The following CD320 variants were observed in gnomAD, a reference collection of about 807,000 sequenced individuals.
The protein encoded by CD320 is CD320 antigen.
Under a neutral mutation model 22.1 loss-of-function variants are expected in CD320, and 16 were observed. The observed-to-expected ratio is 0.73, with a 90% confidence interval of 0.49 to 1.10. CD320 has a LOEUF of 1.10. CD320 is among the 50% of genes least tolerant of loss of function. The pLI is 0.00. For synonymous variants in CD320, 188 were observed against 167.8 expected, an observed-to-expected ratio of 1.12 and a Z score of -0.93; for missense variants, 388 against 376.9, an observed-to-expected ratio of 1.03 and a Z score of -0.24.
In CD320 at chr19:8,302,336, G is replaced by T. The variant is rs1159543820; in HGVS notation, c.*127C>A. On this transcript the variant is annotated 3_prime_UTR_variant, in exon 5 of 5. Transcript: ENST00000301458. ...CACTTCTGCAGGAGCTCGGGTTCGA[G>T]GTTCCACGTGGCCAGAAGAGCTCAG... is the stretch of plus-strand genomic sequence containing the variant. 3 of 1,184,662 alleles carry T rather than the reference G, an allele frequency of 2.5e-6. No homozygotes were observed. Among genetic ancestry groups the T allele is most frequent in the African/African-American group, 3.0e-5 (2 of 66,398 alleles). The allele number at this position is 1,184,662 out of a possible 1,614,324, so 73.4% of individuals were successfully genotyped here.
At chr19:8,302,736 G>A (rs748946125) in intron 4 of CD320, 41 bp downstream of exon 4, 1 of 1,610,568 alleles carries the variant, frequency 6.2e-7, no homozygotes, top group Non-Finnish European at 8.5e-7. Context: ...TGAATCCCCG[G>A]AGCTCTAAGC....
At chr19:8,303,118 T>TTC (rs1278866782) in intron 3 of CD320, 138 bp from the exon 4 acceptor site, 5 of 485,134 alleles carry the variant, frequency 1.0e-5, no homozygotes, top group Non-Finnish European at 1.8e-5. Flanking sequence ...TTATGTCTTT[T>TTC]TTTTTTTTTT....
intron 3 of CD320, 42 bp downstream of exon 3, chr19:8,303,811 TCC>T (rs1313276258): frequency 1.5e-6 from 2 of 1,316,388 alleles, no homozygotes; most frequent in Non-Finnish European, 1.1e-6. Flanking sequence ...GCAGTGGGTG[TCC>T]CCATCTACCC....
Position 8,302,470 on chromosome 19 carries a change from A to G in CD320, c.842T>C (p.Leu281Pro). 6.2e-7 allele frequency: 1 copy of G among 1,614,146 alleles called. No individual in the cohort carries two copies. The highest frequency in any genetic ancestry group is 8.5e-7 in the Non-Finnish European group (1 of 1,180,020). The change falls in exon 5 of 5, where the codon CTG becomes CCG. Residue 281 changes from leucine to proline, a missense_variant. Coordinates refer to ENST00000301458, the MANE Select transcript of CD320 (RefSeq NM_016579.4). The stretch of plus-strand genomic sequence containing the variant: ...GGTGGCAAGTGCTTGTCCTCAGGGC[A>G]GCGAGGTCTTCTGTTCTGACAGCAG... ...SLLLSEQKTSLP is the reference protein window; with the variant it reads ...SLLLSEQKTSPP
rs1450311688 is a variant in CD320 at position 8,308,202 on chromosome 19, C to A, written c.89G>T (p.Gly30Val). 1.3e-6 allele frequency: 2 copies of A among 1,569,768 alleles called. No individual in the cohort carries two copies. The highest frequency in any genetic ancestry group is 1.7e-6 in the Non-Finnish European group (2 of 1,165,008). The change falls in exon 1 of 5, where the codon GGC becomes GTC. Residue 30 changes from glycine to valine, a missense_variant. Coordinates refer to ENST00000301458, the MANE Select transcript of CD320 (RefSeq NM_016579.4). ...AAGCGGGCTCGCGGCGGCCTCCAGG[C>A]CTAGTCCGAGGCCGAGCAGCAGCAG... ...ALLLLLGLGLGLEAAASPLST... is the reference protein window; with the variant it reads ...ALLLLLGLGLVLEAAASPLST...
At chr19:8,303,337 G>A (rs566128918) in intron 3 of CD320, among the ~76,000 whole-genome samples, 205 of 151,698 alleles carry the variant, frequency 1.4e-3, no homozygotes, top group Middle Eastern at 6.8e-3. Context: ...GACTGGTCTC[G>A]AACACCTCAC....
chr19:8,306,707 A>G (rs1344714721), intron 1 of CD320, among the ~76,000 whole-genome samples: 2 of 152,214 alleles, frequency 1.3e-5, no homozygotes, highest in African/African-American at 4.8e-5. Flanking sequence ...GGATCCCAGA[A>G]GAGCTGTGGA....
chr19:8,303,054 G>A, intron 3 of CD320, 74 bp from the exon 4 acceptor site: 1 of 1,318,372 alleles, frequency 7.6e-7, no homozygotes, highest in Admixed American at 1.9e-5. Flanking sequence ...GCCCAGGGGA[G>A]CCCTTGGGGT....
At chr19:8,304,885 C>T (rs1970065031) in intron 2 of CD320, 146 bp downstream of exon 2, 2 of 893,342 alleles carry the variant, frequency 2.2e-6, no homozygotes, top group Admixed American at 1.9e-5. Flanking sequence ...TCTTAGACCC[C>T]GCTTCTTATG....
rs748367632 is a variant in CD320 at position 8,302,328 on chromosome 19, G to A, written c.*135C>T. On this transcript the variant is annotated 3_prime_UTR_variant, in exon 5 of 5. Transcript: ENST00000301458. ...TCCAGGGCCACTTCTGCAGGAGCTC[G>A]GGTTCGAGGTTCCACGTGGCCAGAA... 3.7e-6 allele frequency: 4 copies of A among 1,080,402 alleles called. No individual in the cohort carries two copies. The highest frequency in any genetic ancestry group is 2.5e-5 in the South Asian group (2 of 79,792). 66.9% of individuals were successfully genotyped at this position (1,080,402 alleles called of 1,614,324 possible).
Position 8,308,267 on chromosome 19 carries a change from C to G in CD320, c.24G>C (p.Gln8His). ...GAGCCCCTGTTCGCCACGCTCCAAC[C>G]TGCGCCATCCAACCGCCGCTCATGC... is the stretch of plus-strand genomic sequence containing the variant. MSGGWMA[Q>H]VGAWRTGALG... Residue 8 changes from glutamine (Q) to histidine (H), a missense_variant, in exon 1 of 5, where the codon CAG becomes CAC. Transcript: ENST00000301458. 2 of 1,583,452 alleles carry G rather than the reference C, an allele frequency of 1.3e-6. No individual in the cohort carries two copies. The highest frequency in any genetic ancestry group is 1.7e-6 in the Non-Finnish European group (2 of 1,170,750).
chr19:8,302,701 C>T (rs1970026941), intron 4 of CD320, 76 bp downstream of exon 4: 1 of 1,601,360 alleles, frequency 6.2e-7, no homozygotes, highest in African/African-American at 1.3e-5. Context: ...AGTTCTGCAG[C>T]TCATCCCTCC....
At chr19:8,304,995 C>A in intron 2 of CD320, 36 bp downstream of exon 2, 1 of 1,598,892 alleles carries the variant, frequency 6.3e-7, no homozygotes, top group Non-Finnish European at 8.5e-7. Flanking sequence ...CAGGCCCCGC[C>A]CCCTGTAAGC....
At chr19:8,307,876 G>C (rs1970116684) in intron 1 of CD320, among the ~76,000 whole-genome samples, 1 of 152,184 alleles carries the variant, frequency 6.6e-6, no homozygotes, top group Non-Finnish European at 1.5e-5. Context: ...GGTGACAATG[G>C]GGGACGACAG....
chr19:8,303,956 G>T lies in CD320; in HGVS notation c.401C>A (p.Ala134Glu). The T allele has an allele frequency of 6.3e-7, 1 of 1,589,724 alleles. No individual in the cohort carries two copies. Among genetic ancestry groups the T allele is most frequent in the Non-Finnish European group, 8.6e-7 (1 of 1,168,470 alleles). Reference sequence around the variant, plus strand: ...GCTCAGCGTGCAACGGAGCTCGCCTGCTAGGCAGGCCAGGCGGCTGCAGTT... The same window carrying T: ...GCTCAGCGTGCAACGGAGCTCGCCTTCTAGGCAGGCCAGGCGGCTGCAGTT... ...LRNCSRLACL[A>E]GELRCTLSDD... Residue 134 changes from alanine (A) to glutamate (E), a missense_variant, in exon 3 of 5, where the codon GCA (alanine) becomes GAA (glutamate). Transcript: ENST00000301458.
At chr19:8,308,121 G>C (rs762333891) in intron 1 of CD320, 28 bp downstream of exon 1, 2 of 1,469,398 alleles carry the variant, frequency 1.4e-6, no homozygotes, top group East Asian at 5.3e-5. Flanking sequence ...GCGAGGGGTG[G>C]GAGCCCGCGC....
chr19:8,302,506 T>G lies in CD320; in HGVS notation c.806A>C (p.Lys269Thr), dbSNP rs1970022551. The change falls in exon 5 of 5, where the codon AAG (lysine) becomes ACG (threonine). Residue 269 changes from lysine (K) to threonine (T), a missense_variant. Lys to Thr is a moderately conservative substitution (Grantham distance 78). Coordinates refer to ENST00000301458, the MANE Select transcript of CD320 (RefSeq NM_016579.4). ...LRPLGLLVAM[K>T]ESLLLSEQKT... ...CTGTTCTGACAGCAGCAGGGACTCC[T>G]TCATGGCCACCAGTAACCCCAGTGG... 7 of 1,614,034 alleles carry G rather than the reference T, an allele frequency of 4.3e-6. No individual in the cohort carries two copies. Among genetic ancestry groups the G allele is most frequent in the Non-Finnish European group, 5.1e-6 (6 of 1,180,016 alleles).
intron 1 of CD320, among the ~76,000 whole-genome samples, chr19:8,307,882 G>C (rs987818062): frequency 6.6e-6 from 1 of 152,160 alleles, no homozygotes; most frequent in Non-Finnish European, 1.5e-5. Context: ...AATGGGGGAC[G>C]ACAGGGCACA....
chr19:8,305,358 C>CAGGT (rs1970074024), intron 1 of CD320: 1 of 576,610 alleles, frequency 1.7e-6, no homozygotes, highest in Admixed American at 2.7e-5. Context: ...CCCCACTGGG[C>CAGGT]AGGTGCTACT....
Sources: allele counts gnomAD v4.1 joint callset (sites outside exome capture counted in the v4.1 genomes callset), GRCh38; gene constraint gnomAD v4.1.1; transcripts MANE v1.5; gene names NCBI Gene and HGNC (gene_info 2026-07-23, HGNC 2026-07-21).